Variants in CELF2 observed in about 807,000 individuals in gnomAD.
The protein encoded by CELF2 is CUGBP Elav-like family member 2.
Under a neutral mutation model 62.6 loss-of-function variants are expected in CELF2, and 8 were observed. That is an observed-to-expected ratio of 0.13 (90% CI 0.07 to 0.23). The LOEUF (loss-of-function observed/expected upper bound fraction) is 0.23. Among genes scored for constraint, CELF2 ranks in the 10% least tolerant of loss-of-function variants. The pLI, the probability that CELF2 is intolerant of heterozygous loss-of-function variation, is 1.00. For synonymous variants in CELF2, 258 were observed against 250.0 expected (o/e 1.03, Z -0.30); for missense variants, 333 against 671.0 (o/e 0.50, Z 5.56).
At chr10:10,712,792 A>G in the CELF2 span, among the ~76,000 whole-genome samples, 1 of 152,160 alleles carries the variant, frequency 6.6e-6, no homozygotes, top group African/African-American at 2.4e-5. Flanking sequence ...TCCAAAATAT[A>G]TTCCAACTTC....
upstream of CELF2, among the ~76,000 whole-genome samples, chr10:10,795,326 A>G (rs2054081089): frequency 6.9e-6 from 1 of 145,234 alleles, no homozygotes; most frequent in Non-Finnish European, 1.5e-5. Flanking sequence ...TTTTTTTTTT[A>G]TGTAAAGGGG....
At chr10:11,278,898 C>T (rs1168059755) in intron 8 of CELF2, among the ~76,000 whole-genome samples, 2 of 152,188 alleles carry the variant, frequency 1.3e-5, no homozygotes, top group Non-Finnish European at 2.9e-5. Flanking sequence ...TGTCCAAAGG[C>T]ACTAAGCTAG....
chr10:10,801,070 G>GT (rs1023809240), intron 1 of CELF2, among the ~76,000 whole-genome samples: 16 of 99,032 alleles, frequency 1.6e-4, no homozygotes, highest in African/African-American at 2.6e-4. Context: ...GTCTTAACCC[G>GT]TTTTTAAAAA....
chr10:10,467,521 T>C, the CELF2 span, among the ~76,000 whole-genome samples: 24 of 152,058 alleles, frequency 1.6e-4, no homozygotes, highest in African/African-American at 5.6e-4. Flanking sequence ...ATTCTCCAAC[T>C]TTCTCTTTTT....
At chr10:10,523,346 T>A in the CELF2 span, among the ~76,000 whole-genome samples, 1 of 152,250 alleles carries the variant, frequency 6.6e-6, no homozygotes, top group Non-Finnish European at 1.5e-5. Flanking sequence ...TTCAGCTAAA[T>A]GTATTTAAAT....
chr10:11,236,920 A>G (rs2136668399), intron 3 of CELF2, among the ~76,000 whole-genome samples: 1 of 152,344 alleles, frequency 6.6e-6, no homozygotes, highest in South Asian at 2.1e-4. Flanking sequence ...ATAATGCGAA[A>G]TAGGCCTGAA....
intron 1 of CELF2, among the ~76,000 whole-genome samples, chr10:11,066,582 C>A (rs549812401): frequency 1.3e-5 from 2 of 152,288 alleles, no homozygotes; most frequent in African/African-American, 4.8e-5. Context: ...CCCAGACCCC[C>A]ATGAGCATCC....
chr10:11,129,669 G>A (rs924668260), intron 1 of CELF2, among the ~76,000 whole-genome samples: 3 of 152,146 alleles, frequency 2.0e-5, no homozygotes, highest in East Asian at 1.9e-4. Flanking sequence ...TTGTGTAGAG[G>A]TGTTTACAGT....
chr10:11,271,332 C>T (rs2138644377), intron 7 of CELF2, among the ~76,000 whole-genome samples: 1 of 152,336 alleles, frequency 6.6e-6, no homozygotes, highest in African/African-American at 2.4e-5. Context: ...CTCAGCCATT[C>T]CTTACATCTC....
Position 11,165,176 on chromosome 10 carries a change from A to C in CELF2, c.75-310A>C, listed in dbSNP as rs992764111. 19 of 1,210,922 alleles carry C rather than the reference A, an allele frequency of 1.6e-5. No homozygotes were observed. The East Asian group carries it at 9.2e-4, about 59-fold the overall frequency. The allele number at this position is 1,210,922 out of a possible 1,614,324, so 75.0% of individuals were successfully genotyped here. ...GGCAGCCTTGCAGAGCTAGACCTGC[A>C]CTTAACTTGCAGCTGCCTCCCGAGC... On this transcript the variant is annotated intron_variant, in intron 1 of 12. Coordinates refer to ENST00000633077, the MANE Select transcript of CELF2 (RefSeq NM_001326342.2). This position sits in a 1 kb window ranked among gnomAD's most constrained non-coding sequence, Gnocchi z 7.4.
At chr10:11,023,526 C>T (rs549185493) in intron 1 of CELF2, among the ~76,000 whole-genome samples, 1 of 152,212 alleles carries the variant, frequency 6.6e-6, no homozygotes, top group African/African-American at 2.4e-5. Context: ...TATCCTCATG[C>T]TCTGAATCCA....
At chr10:10,731,580 T>G in the CELF2 span, among the ~76,000 whole-genome samples, 19 of 152,178 alleles carry the variant, frequency 1.2e-4, no homozygotes, top group Non-Finnish European at 2.2e-4. Flanking sequence ...TTAAATGCAG[T>G]GTGAAATGTA....
At chr10:11,162,819 G>C (rs906494140) in intron 1 of CELF2, among the ~76,000 whole-genome samples, 2 of 152,174 alleles carry the variant, frequency 1.3e-5, no homozygotes, top group African/African-American at 4.8e-5. Flanking sequence ...GACACTGAGA[G>C]AGCCCTTATT....
chr10:10,598,256 AG>A, the CELF2 span, among the ~76,000 whole-genome samples: 1 of 152,228 alleles, frequency 6.6e-6, no homozygotes, highest in Non-Finnish European at 1.5e-5. Flanking sequence ...ACATGAATAA[AG>A]TATGAACATA....
chr10:10,662,436 A>G, the CELF2 span, among the ~76,000 whole-genome samples: 27 of 152,162 alleles, frequency 1.8e-4, no homozygotes, highest in Non-Finnish European at 3.1e-4. Flanking sequence ...ACTTTGCACC[A>G]CAGAGACAAC....
the CELF2 span, among the ~76,000 whole-genome samples, chr10:10,586,915 C>T: frequency 2.6e-5 from 4 of 152,118 alleles, no homozygotes; most frequent in African/African-American, 9.7e-5. Context: ...ATGTTTCTTC[C>T]TGCTCTGAAT....
At chr10:11,025,610 C>T (rs1489137405) in intron 1 of CELF2, among the ~76,000 whole-genome samples, 2 of 152,168 alleles carry the variant, frequency 1.3e-5, no homozygotes, top group Non-Finnish European at 2.9e-5. Context: ...ATAAATTACC[C>T]AGTCTCAGGC....
chr10:11,164,195 G>A (rs992672), intron 1 of CELF2, among the ~76,000 whole-genome samples: 3 of 152,212 alleles, frequency 2.0e-5, no homozygotes, highest in South Asian at 4.1e-4. Context: ...CTGCAAATGA[G>A]CTGCCGAGAG....
chr10:10,849,254 A>AC (rs2059221508), intron 1 of CELF2, among the ~76,000 whole-genome samples: 1 of 151,680 alleles, frequency 6.6e-6, no homozygotes, highest in African/African-American at 2.4e-5. Context: ...AAAAAAAAAA[A>AC]AACAAATTAG....
Sources: gnomAD v4.1 joint callset for allele counts (sites outside exome capture counted in the v4.1 genomes callset) on GRCh38, gnomAD v4.1.1 for gene constraint, Gnocchi (gnomAD v3.1) non-coding constraint, MANE v1.5 for transcripts, NCBI Gene and HGNC (gene_info 2026-07-23, HGNC 2026-07-21) for gene names.